The following COL24A1 variants were observed in gnomAD, a reference collection of about 807,000 sequenced individuals.
The protein encoded by COL24A1 is collagen type XXIV alpha 1 chain.
A neutral mutation model predicts 253.9 loss-of-function variants in COL24A1; 224 were observed. The observed-to-expected ratio is 0.88, with a 90% CI of 0.79 to 0.99. The LOEUF is 0.99. Among genes scored for constraint, COL24A1 ranks in the 50% least tolerant of loss-of-function variants. The pLI is 0.00. For synonymous variants in COL24A1, 685 were observed against 673.7 expected (o/e 1.02, Z -0.26); for missense variants, 2,131 against 2,068.5 (o/e 1.03, Z -0.59).
At chr1:86,014,079 T>C (rs1471581818) in intron 19 of COL24A1, among the ~76,000 whole-genome samples, 1 of 152,204 alleles carries the variant, frequency 6.6e-6, no homozygotes, top group Admixed American at 6.5e-5. Context: ...CCTACAGTTA[T>C]GCTGTGTATA....
At chr1:85,949,832 G>A (rs941171653) in intron 24 of COL24A1, among the ~76,000 whole-genome samples, 1 of 152,012 alleles carries the variant, frequency 6.6e-6, no homozygotes, top group Non-Finnish European at 1.5e-5. Flanking sequence ...ACTGTAGATG[G>A]CATATATACA....
chr1:86,056,469 T>A (rs1021600282), intron 10 of COL24A1, among the ~76,000 whole-genome samples: 2 of 152,212 alleles, frequency 1.3e-5, no homozygotes, highest in Non-Finnish European at 2.9e-5. Flanking sequence ...AAAATACATA[T>A]GAAAGTATTT....
intron 18 of COL24A1, among the ~76,000 whole-genome samples, chr1:86,019,422 T>TGGTGTTGGACCATACCCA (rs1697285967): frequency 6.7e-6 from 1 of 150,198 alleles, no homozygotes; most frequent in African/African-American, 2.5e-5. Flanking sequence ...TAGCTGGGTA[T>TGGTGTTGGACCATACCCA]GGTGGTGGAC....
At chr1:85,742,846 G>T (rs548329400) in intron 57 of COL24A1, among the ~76,000 whole-genome samples, 19 of 152,008 alleles carry the variant, frequency 1.2e-4, no homozygotes, top group Non-Finnish European at 1.8e-4. Flanking sequence ...TCAGACCTTG[G>T]TGATGACCTT....
rs547637175 is a variant in COL24A1, at chr1:85,921,054, G to A, written c.2563-9621C>T. Among the ~76,000 whole-genome samples, 8 of 152,310 alleles carry A rather than the reference G, an allele frequency of 5.3e-5. No homozygotes were observed. In the South Asian group the frequency reaches 1.7e-3, roughly 32 times the overall value. On this transcript the variant is annotated intron_variant, in intron 24 of 59. Coordinates refer to ENST00000370571, the MANE Select transcript of COL24A1 (RefSeq NM_152890.7). ...CAGCATGATCTGCATTTCCAACTGA[G>A]GTACCTGGCTCATCTCATTGGGACT...
chr1:86,126,916 G>A (rs1201309759), intron 2 of COL24A1, among the ~76,000 whole-genome samples: 1 of 152,126 alleles, frequency 6.6e-6, no homozygotes. Flanking sequence ...TGAAAGTGGA[G>A]TCATACTTCC....
chr1:85,788,172 G>T (rs945230556), intron 47 of COL24A1, among the ~76,000 whole-genome samples: 8 of 152,016 alleles, frequency 5.3e-5, no homozygotes, highest in Admixed American at 5.2e-4. Flanking sequence ...CTCACTGCAA[G>T]CTCCACCTCC....
chr1:85,871,825 A>G (rs1200462210), intron 35 of COL24A1, among the ~76,000 whole-genome samples: 1 of 152,204 alleles, frequency 6.6e-6, no homozygotes, highest in Admixed American at 6.5e-5. Context: ...CCTGTTCAAC[A>G]TGGTGTTGGA....
chr1:86,088,073 G>A (rs1330047688), intron 7 of COL24A1, among the ~76,000 whole-genome samples: 2 of 152,164 alleles, frequency 1.3e-5, no homozygotes, highest in Non-Finnish European at 2.9e-5. Flanking sequence ...ATTTATTAAG[G>A]GCTGACAATT....
chr1:85,736,719 A>G lies in COL24A1; in HGVS notation c.4782+677T>C, dbSNP rs75536926. Among the ~76,000 whole-genome samples, 183 of 152,332 alleles carry G rather than the reference A, an allele frequency of 1.2e-3. No homozygotes were observed. In the East Asian group the frequency reaches 0.032, roughly 27 times the overall value. On this transcript the variant is annotated intron_variant, in intron 58 of 59. Coordinates refer to ENST00000370571, the MANE Select transcript of COL24A1 (RefSeq NM_152890.7). ...AGGCACATGTATCAGTTCTTTGTCAATGAGAAATTCTTGATCATATATCAA... is the reference window on the plus strand; with the variant it reads ...AGGCACATGTATCAGTTCTTTGTCAGTGAGAAATTCTTGATCATATATCAA...
At position 86,054,853 on chromosome 1, in the gene COL24A1, G is replaced by A. The variant is rs1357239096; in HGVS notation, c.1851+3078C>T. Among the ~76,000 whole-genome samples, 3 of 152,104 alleles carry A rather than the reference G, an allele frequency of 2.0e-5. No individual in the cohort carries two copies. The East Asian group carries it at 5.8e-4, about 29-fold the overall frequency. ...ACACATCTGCACTCATATGTTTATT[G>A]CAGTACTATTCACCATAGAAAAGAC... On this transcript the variant is annotated intron_variant, in intron 10 of 59. Coordinates refer to ENST00000370571, the MANE Select transcript of COL24A1 (RefSeq NM_152890.7).
Position 86,156,504 on chromosome 1 carries a change from G to A in COL24A1, c.-108C>T, listed in dbSNP as rs1653644149. 1 of 1,014,696 alleles carries A rather than the reference G, an allele frequency of 9.9e-7. No individual in the cohort carries two copies. 62.9% of individuals were successfully genotyped at this position (1,014,696 alleles called of 1,614,324 possible). On this transcript the variant is annotated 5_prime_UTR_variant, in exon 1 of 60. Transcript: ENST00000370571. ...TGAAAAAGGGAAAAAACAATCACAT[G>A]AAAACCATGCTTCAAACCCGCAACA...
intron 24 of COL24A1, among the ~76,000 whole-genome samples, chr1:85,925,013 T>A (rs1687019943): frequency 6.6e-6 from 1 of 152,210 alleles, no homozygotes; most frequent in South Asian, 2.1e-4. Context: ...TCACAAGCAT[T>A]CCTATACACC....
At chr1:86,111,925 G>A (rs115354041) in intron 5 of COL24A1, among the ~76,000 whole-genome samples, 3,599 of 152,166 alleles carry the variant, frequency 0.024, 49 homozygotes, top group Middle Eastern at 0.048. Context: ...AAGAAACTGC[G>A]AACATGTCCG....
intron 32 of COL24A1, among the ~76,000 whole-genome samples, chr1:85,887,977 C>A (rs1159861296): frequency 6.6e-6 from 1 of 152,042 alleles, no homozygotes; most frequent in Non-Finnish European, 1.5e-5. Flanking sequence ...TCAAAGACAC[C>A]TGAAATTCAA....
intron 20 of COL24A1, among the ~76,000 whole-genome samples, chr1:85,984,029 G>T (rs1693492292): frequency 6.6e-6 from 1 of 151,674 alleles, no homozygotes; most frequent in African/African-American, 2.4e-5. Flanking sequence ...TAACATTGTT[G>T]TTCATTAAAA....
intron 2 of COL24A1, among the ~76,000 whole-genome samples, chr1:86,130,160 G>T (rs1572023572): frequency 6.6e-6 from 1 of 151,762 alleles, no homozygotes; most frequent in East Asian, 1.9e-4. Flanking sequence ...ACCTTAACTG[G>T]TAGTAAGACT....
At chr1:86,121,970 T>G (rs1435430430) in intron 3 of COL24A1, among the ~76,000 whole-genome samples, 1 of 152,060 alleles carries the variant, frequency 6.6e-6, no homozygotes, top group Non-Finnish European at 1.5e-5. Context: ...TACTTAAAAG[T>G]AGGAAAAACC....
At chr1:85,761,465 GAC>G in intron 54 of COL24A1, 43 bp from the exon 55 acceptor site, 1 of 1,613,668 alleles carries the variant, frequency 6.2e-7, no homozygotes, top group Non-Finnish European at 8.5e-7. Context: ...TTATTTAGTA[GAC>G]ATCTTAAACC....
Sources: allele counts gnomAD v4.1 joint callset (sites outside exome capture counted in the v4.1 genomes callset), GRCh38; gene constraint gnomAD v4.1.1; transcripts MANE v1.5; gene names NCBI Gene and HGNC (gene_info 2026-07-23, HGNC 2026-07-21).